PLCH1: variants seen among roughly 807,000 people sequenced by gnomAD.
PLCH1 encodes phospholipase C eta 1.
Under a neutral mutation model 126.7 loss-of-function variants are expected in PLCH1, and 60 were observed. The ratio of observed to expected loss-of-function variants is 0.47; its 90% CI spans 0.38 to 0.59. The LOEUF (loss-of-function observed/expected upper bound fraction) is 0.59, where lower values mean the gene tolerates loss of function less well. Ranked by LOEUF, PLCH1 falls within the 20% of genes least tolerant of loss-of-function variation. The probability of loss-of-function intolerance (pLI) is 0.00; values close to 1 mark genes in which losing one functional copy is unlikely to be tolerated. For missense variants in PLCH1, 1,723 were observed against 2,040.0 expected (o/e 0.84, Z 2.99); for synonymous variants, 719 against 734.9 (o/e 0.98, Z 0.35).
intron 8 of PLCH1, among the ~76,000 whole-genome samples, chr3:155,564,191 A>G (rs1728008014): frequency 6.6e-6 from 1 of 152,004 alleles, no homozygotes; most frequent in Non-Finnish European, 1.5e-5. Flanking sequence ...TATTTTACTT[A>G]CTCCTGTATA....
chr3:155,656,956 A>G (rs1741450178), intron 2 of PLCH1, among the ~76,000 whole-genome samples: 1 of 152,104 alleles, frequency 6.6e-6, no homozygotes, highest in Non-Finnish European at 1.5e-5. Flanking sequence ...TAAAATTCAC[A>G]TACTAAAATA....
chr3:155,568,156 C>T (rs1308688224), intron 7 of PLCH1, 75 bp downstream of exon 7: 2 of 685,620 alleles, frequency 2.9e-6, no homozygotes, highest in East Asian at 2.7e-5. Flanking sequence ...ATTTCTTTTC[C>T]TAAAAACTTT....
chr3:155,566,175 A>G (rs138906882), intron 7 of PLCH1, among the ~76,000 whole-genome samples: 720 of 34,026 alleles, frequency 0.021, 109 homozygotes, highest in Middle Eastern at 0.062. Flanking sequence ...ATATATACAC[A>G]TATATACACA....
intron 1 of PLCH1, among the ~76,000 whole-genome samples, chr3:155,721,718 C>T (rs1387832686): frequency 2.6e-5 from 4 of 152,114 alleles, no homozygotes; most frequent in Non-Finnish European, 5.9e-5. Context: ...TGTCTAATTG[C>T]TCTGGCTAGG....
intron 11 of PLCH1, among the ~76,000 whole-genome samples, chr3:155,523,218 T>C (rs1232848772): frequency 6.6e-6 from 1 of 152,106 alleles, no homozygotes; most frequent in Non-Finnish European, 1.5e-5. Context: ...CCTCGTGATC[T>C]GCCCGCCTCG....
intron 2 of PLCH1, among the ~76,000 whole-genome samples, chr3:155,696,812 C>A (rs766074728): frequency 1.9e-4 from 29 of 152,156 alleles, no homozygotes; most frequent in Admixed American, 3.3e-4. Context: ...GGCCTTTCTG[C>A]CTGGCTGGAC....
At chr3:155,603,044 C>T (rs898565660) in intron 2 of PLCH1, among the ~76,000 whole-genome samples, 4 of 152,012 alleles carry the variant, frequency 2.6e-5, no homozygotes, top group Non-Finnish European at 4.4e-5. Flanking sequence ...GACCATTCGC[C>T]GAGATTAGGG....
At chr3:155,719,164 C>A (rs1320368553) in intron 1 of PLCH1, among the ~76,000 whole-genome samples, 1 of 152,200 alleles carries the variant, frequency 6.6e-6, no homozygotes, top group Non-Finnish European at 1.5e-5. Context: ...ATCCCTCACC[C>A]TCCTTCTACC....
intron 2 of PLCH1, among the ~76,000 whole-genome samples, chr3:155,647,916 C>T (rs971614360): frequency 2.6e-5 from 4 of 152,120 alleles, no homozygotes; most frequent in Non-Finnish European, 5.9e-5. Context: ...TTCCCTTTCC[C>T]TGGTATTTAC....
chr3:155,631,660 A>G (rs892931276), intron 2 of PLCH1, among the ~76,000 whole-genome samples: 1 of 152,250 alleles, frequency 6.6e-6, no homozygotes, highest in African/African-American at 2.4e-5. Context: ...TTCCTCCCAC[A>G]GAACAAGAAC....
chr3:155,524,188 G>A (rs1328909005), intron 10 of PLCH1, among the ~76,000 whole-genome samples, 184 bp from the exon 11 acceptor site: 2 of 152,194 alleles, frequency 1.3e-5, no homozygotes, highest in Non-Finnish European at 2.9e-5. Context: ...AAGGAACCTT[G>A]AAGGTATTAT....
chr3:155,557,754 A>G (rs1292648374), intron 8 of PLCH1, among the ~76,000 whole-genome samples: 3 of 152,200 alleles, frequency 2.0e-5, no homozygotes, highest in Non-Finnish European at 4.4e-5. Flanking sequence ...ATGGAACCCC[A>G]AAAGCAAAGC....
chr3:155,532,239 G>A (rs996897817), intron 10 of PLCH1, among the ~76,000 whole-genome samples: 2 of 152,166 alleles, frequency 1.3e-5, no homozygotes, highest in Admixed American at 6.5e-5. Context: ...GACTCGCATC[G>A]TGAACTTGTG....
chr3:155,729,497 G>A (rs963267772), intron 1 of PLCH1, among the ~76,000 whole-genome samples: 6 of 152,214 alleles, frequency 3.9e-5, no homozygotes, highest in African/African-American at 1.4e-4. Flanking sequence ...ATATGGGAGG[G>A]TTGCATGGGA....
rs557145167 is a variant in PLCH1 at position 155,745,028 on chromosome 3, C to G, written c.-229G>C. On this transcript the variant is annotated 5_prime_UTR_variant, in exon 1 of 23. Coordinates refer to ENST00000460012, the MANE Select transcript of PLCH1 (RefSeq NM_014996.4). ...CTAGCCAGCAGAAGCCCCAGACGAG[C>G]GGGGAAGAGCAGGGCGCCGCCGCCA... 2.0e-5 allele frequency: 3 copies of G among 152,734 alleles called. No individual in the cohort carries two copies. The highest frequency in any genetic ancestry group is 2.1e-4 in the South Asian group (1 of 4,824). The allele number at this position is 152,734 out of a possible 1,614,324, so 9.5% of individuals were successfully genotyped here. A position where few individuals can be genotyped will look rare whatever the true frequency, so the allele number is the denominator to read the frequency against.
chr3:155,624,601 G>A (rs1278584304), intron 2 of PLCH1, among the ~76,000 whole-genome samples: 3 of 113,410 alleles, frequency 2.6e-5, no homozygotes, highest in African/African-American at 9.9e-5. Flanking sequence ...TCCTATACAC[G>A]AATAACAGAG....
At chr3:155,491,033 G>A (rs577802683) in intron 18 of PLCH1, among the ~76,000 whole-genome samples, 165 bp from the exon 19 acceptor site, 1 of 152,290 alleles carries the variant, frequency 6.6e-6, no homozygotes, top group South Asian at 2.1e-4. Flanking sequence ...TCAGATATAT[G>A]AGACAAGTAT....
chr3:155,678,084 G>C (rs1449991885), intron 2 of PLCH1, among the ~76,000 whole-genome samples: 1 of 152,128 alleles, frequency 6.6e-6, no homozygotes. Context: ...TTTTGGAAAG[G>C]CTTCCTTCCA....
At chr3:155,590,085 C>T (rs1731915778) in intron 4 of PLCH1, among the ~76,000 whole-genome samples, 1 of 152,178 alleles carries the variant, frequency 6.6e-6, no homozygotes, top group African/African-American at 2.4e-5. Context: ...CATCACTCAG[C>T]ATGGCCATAC....
Sources: gnomAD v4.1 joint callset for allele counts (sites outside exome capture counted in the v4.1 genomes callset) on GRCh38, gnomAD v4.1.1 for gene constraint, MANE v1.5 for transcripts, NCBI Gene and HGNC (gene_info 2026-07-23, HGNC 2026-07-21) for gene names.